Variants in ADGRG6 observed in about 807,000 individuals in gnomAD.
The protein encoded by ADGRG6 is adhesion G protein-coupled receptor G6, also known as G-protein coupled receptor 126.
Under a neutral mutation model 142.4 loss-of-function variants are expected in ADGRG6, and 84 were observed. The ratio of observed to expected loss-of-function variants is 0.59; its 90% CI spans 0.49 to 0.71. The LOEUF (loss-of-function observed/expected upper bound fraction) is 0.71, where lower values mean the gene tolerates loss of function less well. Among genes scored for constraint, ADGRG6 ranks in the 30% least tolerant of loss-of-function variants. ADGRG6 has a pLI of 0.00. For synonymous variants in ADGRG6, 521 were observed against 520.5 expected (o/e 1.00, Z -0.01); for missense variants, 1,367 against 1,466.6 (o/e 0.93, Z 1.11).
Position 142,416,024 on chromosome 6 carries a change from C to T in ADGRG6, c.2898C>T (p.Tyr966=), listed in dbSNP as rs1211057570. The change falls in exon 20 of 25, where the codon TAC becomes TAT. Residue 966 remains tyrosine (Y), a synonymous_variant. Coordinates refer to ENST00000367609, the MANE Select transcript of ADGRG6 (RefSeq NM_198569.3). ...YIALVKVFNT[Y]IRRYILKFCI... The stretch of plus-strand genomic sequence containing the variant: ...CTCTAGTTAAAGTATTTAACACTTA[C>T]ATTCGCCGATACATTCTAAAATTCT... 8.7e-6 allele frequency: 14 copies of T among 1,612,572 alleles called. No homozygotes were observed. The African/African-American group carries it at 1.1e-4, about 12-fold the overall frequency.
chr6:142,404,161 A>C lies in ADGRG6; in HGVS notation c.2127+188A>C. On this transcript the variant is annotated intron_variant, in intron 14 of 24. Coordinates refer to ENST00000367609, the MANE Select transcript of ADGRG6 (RefSeq NM_198569.3). ...GAGCTCAGAGTGGGTATGCTTTCATAATCTGGGTGACAGGGGTGGTCAGCT... is the reference window on the plus strand; with the variant it reads ...GAGCTCAGAGTGGGTATGCTTTCATCATCTGGGTGACAGGGGTGGTCAGCT... 3 of 569,006 alleles carry C rather than the reference A, an allele frequency of 5.3e-6. 1 individual carries two copies. The highest frequency in any genetic ancestry group is 9.4e-4 in the Middle Eastern group (2 of 2,124). 35.2% of individuals were successfully genotyped at this position (569,006 alleles called of 1,614,324 possible). A position where few individuals can be genotyped will look rare whatever the true frequency, so the allele number is the denominator to read the frequency against.
chr6:142,354,560 AT>A (rs1199516013), intron 2 of ADGRG6, among the ~76,000 whole-genome samples: 1 of 152,110 alleles, frequency 6.6e-6, no homozygotes, highest in Non-Finnish European at 1.5e-5. Flanking sequence ...TACATTTCTT[AT>A]TGATTATTTG....
rs74358829 is a variant in ADGRG6, at chr6:142,307,012, G to C, written c.3-2532G>C. Among the ~76,000 whole-genome samples, 391 of 152,220 alleles carry C rather than the reference G, an allele frequency of 2.6e-3. 5 individuals carry two copies. The highest frequency in any genetic ancestry group is 8.9e-3 in the African/African-American group (371 of 41,564). On this transcript the variant is annotated intron_variant, in intron 1 of 24. Transcript: ENST00000367609. ...TAAGCCATGGTCATCATTTGCAACT[G>C]ATAGGATTGCAGGCAGCTTTGATAA... is the stretch of plus-strand genomic sequence containing the variant.
chr6:142,431,707 G>A (rs776399659), intron 22 of ADGRG6, among the ~76,000 whole-genome samples: 5 of 152,016 alleles, frequency 3.3e-5, no homozygotes, highest in Non-Finnish European at 7.4e-5. Context: ...AGCAGATCAC[G>A]AGCTCAGGAG....
rs757881946 is a variant in ADGRG6, at chr6:142,370,784, C to G, written c.1060C>G (p.Leu354Val). 54 of 1,612,968 alleles carry G rather than the reference C, an allele frequency of 3.3e-5. No homozygotes were observed. The highest frequency in any genetic ancestry group is 4.3e-5 in the Non-Finnish European group (51 of 1,179,582). Residue 354 changes from leucine to valine, a missense_variant, in exon 4 of 25, where the codon CTA becomes GTA. By Grantham distance (32) the Leu-to-Val change is conservative. Coordinates refer to ENST00000367609, the MANE Select transcript of ADGRG6 (RefSeq NM_198569.3). ...CCTAGCTCTGAAAGCTGAAAGCAAC[C>G]TAAGCTGTGGTGAGTTTGTAGCGTA... ...PNLALKAESN[L>V]SCGSYLIPLP...
At chr6:142,416,773 A>G (rs1373908006) in intron 20 of ADGRG6, among the ~76,000 whole-genome samples, 2 of 152,028 alleles carry the variant, frequency 1.3e-5, no homozygotes, top group Non-Finnish European at 2.9e-5. Flanking sequence ...CCACTGAAAT[A>G]TACATGGAAA....
At chr6:142,325,080 C>T (rs988233105) in intron 2 of ADGRG6, among the ~76,000 whole-genome samples, 3 of 152,090 alleles carry the variant, frequency 2.0e-5, no homozygotes, top group Non-Finnish European at 4.4e-5. Context: ...CCTCGTAGCT[C>T]ATTCTGCATT....
intron 22 of ADGRG6, among the ~76,000 whole-genome samples, chr6:142,430,788 C>G (rs561328959): frequency 4.6e-5 from 7 of 152,306 alleles, no homozygotes; most frequent in East Asian, 3.9e-4. Flanking sequence ...AAGTTAAATT[C>G]ACTACTTGAG....
In ADGRG6 at chr6:142,397,649, C is replaced by T. The variant is rs1408940866; in HGVS notation, c.1461C>T (p.Thr487=). The T allele has an allele frequency of 6.8e-6, 11 of 1,607,808 alleles. No individual in the cohort carries two copies. The highest frequency in any genetic ancestry group is 2.7e-5 in the African/African-American group (2 of 74,608). ...GGGCCCTTCTAGTTTACAATGCTAC[C>T]AACAATACTAATTTGGAAGGAAAAA... ...VLWALLVYNA[T]NNTNLEGKII... Residue 487 remains threonine (T), a synonymous_variant, in exon 10 of 25, where the codon ACC becomes ACT. Transcript: ENST00000367609.
chr6:142,405,683 G>A lies in ADGRG6; in HGVS notation c.2128-5G>A. On this transcript the variant is annotated splice_polypyrimidine_tract_variant and splice_region_variant and intron_variant, in intron 14 of 24. Transcript: ENST00000367609. ...TTGACCAATATATCTGTGTGTGTGTGACAGATGGATTTTGAGAGTGGACAA... is the reference window on the plus strand; with the variant it reads ...TTGACCAATATATCTGTGTGTGTGTAACAGATGGATTTTGAGAGTGGACAA... The A allele has an allele frequency of 1.2e-6, 2 of 1,600,152 alleles. No individual in the cohort carries two copies. Among genetic ancestry groups the A allele is most frequent in the Non-Finnish European group, 1.7e-6 (2 of 1,168,488 alleles).
intron 6 of ADGRG6, among the ~76,000 whole-genome samples, chr6:142,385,785 A>T (rs2114948375): frequency 6.6e-6 from 1 of 152,284 alleles, no homozygotes; most frequent in Non-Finnish European, 1.5e-5. Context: ...GAAATAATTG[A>T]AAAGAGAATT....
intron 24 of ADGRG6, among the ~76,000 whole-genome samples, chr6:142,439,163 T>C (rs1777625499): frequency 2.0e-5 from 3 of 152,144 alleles, no homozygotes; most frequent in Admixed American, 2.0e-4. Context: ...AAAATAGTAA[T>C]ATTTTGCAGC....
intron 2 of ADGRG6, among the ~76,000 whole-genome samples, chr6:142,326,677 G>A (rs1778796418): frequency 6.6e-6 from 1 of 151,992 alleles, no homozygotes; most frequent in Non-Finnish European, 1.5e-5. Context: ...ATGAGACTGA[G>A]ATCATCTGTT....
At chr6:142,321,665 C>A (rs886905621) in intron 2 of ADGRG6, among the ~76,000 whole-genome samples, 6 of 151,962 alleles carry the variant, frequency 3.9e-5, no homozygotes, top group African/African-American at 1.4e-4. Flanking sequence ...ATGATAAAAA[C>A]CAGAACACTG....
At position 142,324,650 on chromosome 6, in the gene ADGRG6, G is replaced by A. The variant is rs182613832; in HGVS notation, c.103+15006G>A. ...TGTGTACCCAGGTGACCACCTGTTG[G>A]ATAGTATTTTAATGGTGGAAATGGA... is the stretch of plus-strand genomic sequence containing the variant. On this transcript the variant is annotated intron_variant, in intron 2 of 24. Coordinates refer to ENST00000367609, the MANE Select transcript of ADGRG6 (RefSeq NM_198569.3). Among the ~76,000 whole-genome samples, 1,474 of 152,196 alleles carry A rather than the reference G, an allele frequency of 9.7e-3. 13 individuals carry two copies. Among genetic ancestry groups the A allele is most frequent in the Admixed American group, 0.02 (308 of 15,266 alleles).
At chr6:142,346,141 C>T (rs1364199701) in intron 2 of ADGRG6, among the ~76,000 whole-genome samples, 2 of 152,188 alleles carry the variant, frequency 1.3e-5, no homozygotes, top group East Asian at 1.9e-4. Flanking sequence ...TTCCTCACCT[C>T]ATGAATTGGT....
chr6:142,415,035 A>G lies in ADGRG6; in HGVS notation c.2608A>G (p.Ile870Val), dbSNP rs780411310. 1.2e-6 allele frequency: 2 copies of G among 1,610,876 alleles called. No homozygotes were observed. Among genetic ancestry groups the G allele is most frequent in the East Asian group, 2.2e-5 (1 of 44,714 alleles). The part of the protein sequence containing the change: ...NTKVLTFISY[I>V]GCGISAIFSA... ...TAAAGTCCTCACTTTCATCAGCTAT[A>G]TTGGGTGTGGAATATCTGCTATTTT... is the stretch of plus-strand genomic sequence containing the variant. Residue 870 changes from isoleucine (I) to valine (V), a missense_variant, in exon 19 of 25, where the codon ATT becomes GTT. Ile to Val is a conservative substitution (Grantham distance 29). This residue lies in a region of ADGRG6 where 286 missense variants were observed against 371.4 expected (regional missense o/e 0.77). Coordinates refer to ENST00000367609, the MANE Select transcript of ADGRG6 (RefSeq NM_198569.3).
At chr6:142,410,003 C>T (rs1198219750) in intron 17 of ADGRG6, 84 bp downstream of exon 17, 1 of 565,950 alleles carries the variant, frequency 1.8e-6, no homozygotes. Context: ...CCTTTAATTC[C>T]ACCCCAAACC....
Position 142,370,687 on chromosome 6 carries a change from C to T in ADGRG6, c.963C>T (p.Ile321=), listed in dbSNP as rs374589905. ...RLWNFTMNAK[I]LSNLSCNVKG... ...GGAATTTTACCATGAATGCCAAAAT[C>T]CTCTCCAACCTCAGCTGTAATGTGA... is the stretch of plus-strand genomic sequence containing the variant. The change falls in exon 4 of 25, where the codon ATC becomes ATT. Residue 321 remains isoleucine (I), a synonymous_variant. Transcript: ENST00000367609. 4.1e-5 allele frequency: 66 copies of T among 1,613,582 alleles called. No homozygotes were observed. The highest frequency in any genetic ancestry group is 5.4e-5 in the Non-Finnish European group (64 of 1,179,668).
Sources: allele counts gnomAD v4.1 joint callset (sites outside exome capture counted in the v4.1 genomes callset), GRCh38; gene constraint gnomAD v4.1.1; regional missense constraint gnomAD v4.1.1; transcripts MANE v1.5; gene names NCBI Gene and HGNC (gene_info 2026-07-23, HGNC 2026-07-21).